Variants in TRMT1L observed in about 807,000 individuals in gnomAD.
TRMT1L encodes tRNA (guanine(27)-N(2))-dimethyltransferase.
A neutral mutation model predicts 81.6 loss-of-function variants in TRMT1L; 28 were observed. That is an observed-to-expected ratio of 0.34 (90% confidence interval 0.25 to 0.47). The LOEUF (loss-of-function observed/expected upper bound fraction) is 0.47, where lower values mean the gene tolerates loss of function less well. Ranked by LOEUF, TRMT1L falls within the 20% of genes least tolerant of loss-of-function variation. The pLI, the probability that TRMT1L is intolerant of heterozygous loss-of-function variation, is 1.00. For synonymous variants in TRMT1L, 301 were observed against 303.2 expected (o/e 0.99, Z 0.07); for missense variants, 739 against 877.1 (o/e 0.84, Z 1.99).
intron 3 of TRMT1L, among the ~76,000 whole-genome samples, chr1:185,149,459 C>T (rs539503703): frequency 2.8e-4 from 43 of 152,066 alleles, no homozygotes; most frequent in Middle Eastern, 3.4e-3. Flanking sequence ...CAGGCCACCT[C>T]GCCTGGCTAA....
rs147121842 is a variant in TRMT1L at position 185,130,341 on chromosome 1, T to TAAATC, written c.1514-1595_1514-1594insGATTT. Among the ~76,000 whole-genome samples the TAAATC allele has an allele frequency of 5.4e-3, 817 of 152,258 alleles. 26 individuals carry two copies. In the East Asian group the frequency reaches 0.081, roughly 15 times the overall value. On this transcript the variant is annotated intron_variant, in intron 10 of 14. Coordinates refer to ENST00000367506, the MANE Select transcript of TRMT1L (RefSeq NM_030934.5). ...TCTCTCTCTGCTGTCTCTTAACGCTTAAATGACAGGAACAAAAATTAAACT... is the reference window on the plus strand; with the variant it reads ...TCTCTCTCTGCTGTCTCTTAACGCTTAAATCAAATGACAGGAACAAAAATTAAACT...
rs1434596933 is a variant in TRMT1L at position 185,147,176 on chromosome 1, G to T, written c.525+6C>A. The T allele has an allele frequency of 6.3e-7, 1 of 1,594,642 alleles. No individual in the cohort carries two copies. The highest frequency in any genetic ancestry group is 8.6e-7 in the Non-Finnish European group (1 of 1,166,178). On this transcript the variant is annotated splice_donor_region_variant and intron_variant, in intron 4 of 14. Coordinates refer to ENST00000367506, the MANE Select transcript of TRMT1L (RefSeq NM_030934.5). ...TTAAAAATAAAAAAATCTAATATCT[G>T]ATCACCTGTTCTCCAATAATGTTTG...
intron 2 of TRMT1L, among the ~76,000 whole-genome samples, chr1:185,151,078 CA>C (rs1198690707): frequency 3.9e-5 from 6 of 151,944 alleles, no homozygotes; most frequent in African/African-American, 1.5e-4. Context: ...AACATATTCT[CA>C]AAAAGATTAT....
At chr1:185,121,423 C>G (rs1652497895) in intron 13 of TRMT1L, among the ~76,000 whole-genome samples, 1 of 151,166 alleles carries the variant, frequency 6.6e-6, no homozygotes, top group Non-Finnish European at 1.5e-5. Flanking sequence ...GCCTGAGCAA[C>G]ACAGTGAGAC....
At position 185,142,224 on chromosome 1, in the gene TRMT1L, A is replaced by T. The variant is rs74134420; in HGVS notation, c.859+1133T>A. Among the ~76,000 whole-genome samples, 1,373 of 152,284 alleles carry T rather than the reference A, an allele frequency of 9.0e-3. 18 individuals are homozygous for T. Among genetic ancestry groups the T allele is most frequent in the African/African-American group, 0.03 (1,253 of 41,554 alleles). ...GGTAGTAGCAGTAGTCTCCTCTTTT[A>T]ATAGATGAGCAAATTGAGGCACAAT... On this transcript the variant is annotated intron_variant, in intron 7 of 14. Coordinates refer to ENST00000367506, the MANE Select transcript of TRMT1L (RefSeq NM_030934.5).
Position 185,156,857 on chromosome 1 carries a change from G to A in TRMT1L, c.-145C>T. 8.7e-7 allele frequency: 1 copy of A among 1,152,962 alleles called. No individual in the cohort carries two copies. The highest frequency in any genetic ancestry group is 1.2e-6 in the Non-Finnish European group (1 of 843,360). The allele number at this position is 1,152,962 out of a possible 1,614,324, so 71.4% of individuals were successfully genotyped here. ...GGCGGGATGCGTGCAACAGACAAAA[G>A]ATGAAGAACCAGTGACCAAATCCTG... On this transcript the variant is annotated 5_prime_UTR_variant, in exon 1 of 15. Transcript: ENST00000367506.
chr1:185,145,621 GTA>G, intron 4 of TRMT1L, 53 bp from the exon 5 acceptor site: 1 of 1,556,778 alleles, frequency 6.4e-7, no homozygotes, highest in Non-Finnish European at 8.8e-7. Context: ...TGAAACAGAA[GTA>G]TATGTTTGCA....
intron 2 of TRMT1L, among the ~76,000 whole-genome samples, chr1:185,150,975 G>A (rs574300573): frequency 8.2e-4 from 125 of 152,346 alleles, no homozygotes; most frequent in African/African-American, 3.0e-3. Flanking sequence ...GGAAGGAATA[G>A]ATGGGATTTG....
At chr1:185,124,488 A>C (rs895133276) in intron 12 of TRMT1L, among the ~76,000 whole-genome samples, 2 of 152,054 alleles carry the variant, frequency 1.3e-5, no homozygotes, top group African/African-American at 4.8e-5. Context: ...GCTTGAGCCC[A>C]GGAGTTTGAA....
At chr1:185,149,469 A>AT (rs2102256979) in intron 3 of TRMT1L, among the ~76,000 whole-genome samples, 1 of 151,964 alleles carries the variant, frequency 6.6e-6, no homozygotes, top group East Asian at 1.9e-4. Context: ...CGCCTGGCTA[A>AT]TTTTTTCACT....
chr1:185,150,535 T>A (rs1465101076), intron 2 of TRMT1L, 43 bp from the exon 3 acceptor site: 1 of 1,377,808 alleles, frequency 7.3e-7, no homozygotes, highest in Non-Finnish European at 1.0e-6. Flanking sequence ...AATATTCTAG[T>A]TATTAATGCC....
intron 1 of TRMT1L, among the ~76,000 whole-genome samples, chr1:185,154,145 C>A (rs1653432724): frequency 6.6e-6 from 1 of 152,190 alleles, no homozygotes; most frequent in African/African-American, 2.4e-5. Context: ...GAATCCAATT[C>A]AGCACTATCA....
intron 7 of TRMT1L, among the ~76,000 whole-genome samples, chr1:185,142,651 C>CA (rs71695141): frequency 0.028 from 2,575 of 90,652 alleles, 34 homozygotes; most frequent in African/African-American, 0.053. Flanking sequence ...AGTATTATTG[C>CA]AAAAAAAAAA....
At chr1:185,146,915 T>C (rs1268676076) in intron 4 of TRMT1L, among the ~76,000 whole-genome samples, 1 of 152,054 alleles carries the variant, frequency 6.6e-6, no homozygotes, top group African/African-American at 2.4e-5. Flanking sequence ...ATTTCAAAAT[T>C]AGTAAATGAG....
intron 2 of TRMT1L, among the ~76,000 whole-genome samples, 155 bp downstream of exon 2, chr1:185,151,670 C>T (rs1366293154): frequency 3.3e-5 from 5 of 151,954 alleles, no homozygotes; most frequent in South Asian, 2.1e-4. Context: ...TGCACATAAG[C>T]GGTTGCCAAT....
rs1245810136 is a variant in TRMT1L, at chr1:185,137,408, G to T, written c.1513+198C>A. 5.7e-6 allele frequency: 4 copies of T among 697,280 alleles called. No individual in the cohort carries two copies. The African/African-American group carries it at 7.0e-5, about 12-fold the overall frequency. 43.2% of individuals were successfully genotyped at this position (697,280 alleles called of 1,614,324 possible). On this transcript the variant is annotated intron_variant, in intron 10 of 14. Transcript: ENST00000367506. ...AAGGCAGAGCTAGAAAGCATATATT[G>T]TACAGCATGAGTAAATAACTTTAAT...
At chr1:185,149,012 G>A (rs893519970) in intron 3 of TRMT1L, among the ~76,000 whole-genome samples, 2 of 152,118 alleles carry the variant, frequency 1.3e-5, no homozygotes, top group Non-Finnish European at 2.9e-5. Flanking sequence ...GTTTAAGATT[G>A]ATACTTAGGT....
intron 4 of TRMT1L, 25 bp from the exon 5 acceptor site, chr1:185,145,593 A>C (rs1235065917): frequency 6.2e-7 from 1 of 1,605,036 alleles, no homozygotes; most frequent in Non-Finnish European, 8.5e-7. Flanking sequence ...ATTTAATTTA[A>C]ATAAGTTGCT....
rs371545842 is a variant in TRMT1L, at chr1:185,143,907, G to A, written c.778C>T (p.Arg260Trp). Residue 260 changes from arginine (R) to tryptophan (W), a missense_variant and splice_region_variant, in exon 6 of 15, where the codon CGG becomes TGG. Around this residue, in one of 4 missense-constraint regions of TRMT1L, gnomAD observed 331 missense variants for 462.2 expected, o/e 0.72. Transcript: ENST00000367506. ...SYFNPKMKLN[R>W]QLIFCTLAAL... is the part of the protein sequence containing the mutation. ...AACCCTATTTTCAATTTATCTTACC[G>A]ATTTAGTTTCATTTTGGGGTTAAAA... 1.2e-5 allele frequency: 19 copies of A among 1,603,374 alleles called. No homozygotes were observed. The highest frequency in any genetic ancestry group is 4.5e-5 in the South Asian group (4 of 89,442).
Sources: allele counts gnomAD v4.1 joint callset (sites outside exome capture counted in the v4.1 genomes callset), GRCh38; gene constraint gnomAD v4.1.1; regional missense constraint gnomAD v4.1.1; transcripts MANE v1.5; gene names NCBI Gene and HGNC (gene_info 2026-07-23, HGNC 2026-07-21).